Variants in CSTPP1 observed in about 807,000 individuals in gnomAD.
The protein encoded by CSTPP1 is UPF0705 protein C11orf49.
the CSTPP1 span, among the ~76,000 whole-genome samples, chr11:47,055,212 C>T: frequency 6.6e-6 from 1 of 151,998 alleles, no homozygotes; most frequent in South Asian, 2.1e-4. Flanking sequence ...GGGTTATAGG[C>T]GTGGGCTACC....
the CSTPP1 span, among the ~76,000 whole-genome samples, chr11:47,054,310 CAAAAAAAAAA>C: frequency 4.8e-5 from 2 of 41,572 alleles, no homozygotes; most frequent in South Asian, 9.0e-4. Flanking sequence ...TACTCCGTCT[CAAAAAAAAAA>C]AAAAAAAAAA....
At chr11:47,163,671 C>T in the CSTPP1 span, among the ~76,000 whole-genome samples, 4 of 152,128 alleles carry the variant, frequency 2.6e-5, no homozygotes, top group Non-Finnish European at 5.9e-5. Flanking sequence ...GAGACAGGGT[C>T]TCACTTTATC....
chr11:47,006,433 G>T, the CSTPP1 span, among the ~76,000 whole-genome samples: 30 of 152,224 alleles, frequency 2.0e-4, no homozygotes, highest in South Asian at 4.6e-3. Context: ...TAGTTTTAGT[G>T]TAATGTGTCT....
chr11:47,122,091 A>AATATATATAT, the CSTPP1 span, among the ~76,000 whole-genome samples: 455 of 31,698 alleles, frequency 0.014, 23 homozygotes, highest in South Asian at 0.021. Context: ...AAAAAAAAAA[A>AATATATATAT]ATATATATAT....
the CSTPP1 span, chr11:47,052,539 TTTCC>T: frequency 2.3e-3 from 3,653 of 1,603,438 alleles, 28 homozygotes; most frequent in African/African-American, 0.023. Context: ...CCAAATTCTT[TTTCC>T]TTCCTTCCTT....
At chr11:47,006,678 G>A in the CSTPP1 span, among the ~76,000 whole-genome samples, 1 of 150,532 alleles carries the variant, frequency 6.6e-6, no homozygotes, top group Non-Finnish European at 1.5e-5. Context: ...TCTACCTCCT[G>A]GGCTCAGGCA....
chr11:46,941,165 A>G, the CSTPP1 span, among the ~76,000 whole-genome samples: 1 of 152,160 alleles, frequency 6.6e-6, no homozygotes, highest in Non-Finnish European at 1.5e-5. Context: ...TGTCCTAACC[A>G]CTAACTAGAC....
chr11:46,959,865 A>ATTT, the CSTPP1 span, among the ~76,000 whole-genome samples: 6 of 134,052 alleles, frequency 4.5e-5, no homozygotes, highest in South Asian at 2.3e-4. Flanking sequence ...GGTTTAAATA[A>ATTT]TTTTTTTTTT....
the CSTPP1 span, among the ~76,000 whole-genome samples, chr11:47,061,288 C>T: frequency 6.6e-6 from 1 of 152,172 alleles, no homozygotes; most frequent in Admixed American, 6.5e-5. Context: ...ATAGAGCTTA[C>T]ATTCTAGGAA....
At chr11:47,069,551 C>A in the CSTPP1 span, among the ~76,000 whole-genome samples, 1 of 152,008 alleles carries the variant, frequency 6.6e-6, no homozygotes, top group African/African-American at 2.4e-5. Context: ...AGTTACTCCA[C>A]CTGGTTTAAA....
the CSTPP1 span, among the ~76,000 whole-genome samples, chr11:46,940,249 AATTT>A: frequency 6.6e-6 from 1 of 152,226 alleles, no homozygotes; most frequent in Non-Finnish European, 1.5e-5. Context: ...GTATTTAAAT[AATTT>A]ATTTAACCAG....
chr11:47,101,965 T>C, the CSTPP1 span, among the ~76,000 whole-genome samples: 1 of 152,156 alleles, frequency 6.6e-6, no homozygotes, highest in Non-Finnish European at 1.5e-5. Context: ...AATATGATCA[T>C]TTCTCTGCTT....
the CSTPP1 span, chr11:47,052,689 A>G: frequency 1.2e-6 from 1 of 852,702 alleles, no homozygotes; most frequent in South Asian, 1.9e-5. Context: ...AGGCATTTAG[A>G]ATACCTCACT....
At chr11:47,093,043 T>A in the CSTPP1 span, among the ~76,000 whole-genome samples, 3 of 152,196 alleles carry the variant, frequency 2.0e-5, no homozygotes, top group Non-Finnish European at 2.9e-5. Flanking sequence ...GAAAGGTGAT[T>A]TAGAGGATGC....
the CSTPP1 span, among the ~76,000 whole-genome samples, chr11:47,075,129 G>A: frequency 6.6e-6 from 1 of 152,056 alleles, no homozygotes; most frequent in Admixed American, 6.6e-5. Flanking sequence ...CCAGGACTTT[G>A]GGGAGGCCAA....
At chr11:47,053,633 A>AT in the CSTPP1 span, among the ~76,000 whole-genome samples, 1 of 151,702 alleles carries the variant, frequency 6.6e-6, no homozygotes, top group East Asian at 1.9e-4. Flanking sequence ...AAAAAAAAAA[A>AT]AGAAAAAAGA....
chr11:47,160,343 T>TA, the CSTPP1 span: 4 of 151,054 alleles, frequency 2.6e-5, no homozygotes, highest in Non-Finnish European at 2.9e-5. Context: ...CAACCACTTT[T>TA]ACTGCACACT....
chr11:46,961,301 C>T, the CSTPP1 span, among the ~76,000 whole-genome samples: 2 of 152,124 alleles, frequency 1.3e-5, no homozygotes, highest in Non-Finnish European at 2.9e-5. Context: ...GTTTGTTTTG[C>T]ATTTCCCTAA....
the CSTPP1 span, among the ~76,000 whole-genome samples, chr11:47,038,269 C>T: frequency 1.2e-4 from 13 of 105,444 alleles, 1 homozygote; most frequent in Non-Finnish European, 2.9e-4. Context: ...GGCGGCTGGC[C>T]GGGCGGGGGG....
Sources: gnomAD v4.1 joint callset for allele counts (sites outside exome capture counted in the v4.1 genomes callset) on GRCh38, gnomAD v4.1.1 for gene constraint, MANE v1.5 for transcripts, NCBI Gene and HGNC (gene_info 2026-07-23, HGNC 2026-07-21) for gene names.